Variants in C10orf71 observed in about 807,000 individuals in gnomAD.
C10orf71 encodes chromosome 10 open reading frame 71, also known as cardiac-enriched FHL2-interacting protein.
For missense variants in C10orf71, 1,869 were observed against 1,804.5 expected (o/e 1.04, Z -0.65); for synonymous variants, 758 against 726.3 (o/e 1.04, Z -0.70).
rs1849128599 is a variant in C10orf71, at chr10:49,323,105, G to C, written c.560G>C (p.Cys187Ser). The C allele has an allele frequency of 6.2e-7, 1 of 1,613,878 alleles. No homozygotes were observed. Among genetic ancestry groups the C allele is most frequent in the Non-Finnish European group, 8.5e-7 (1 of 1,179,896 alleles). Reference sequence around the variant, plus strand: ...CTTCCAGAAAACAGTGTCAACTTCTGCTTCGATTCTGCCTTTCTGACAGTC... The same window carrying C: ...CTTCCAGAAAACAGTGTCAACTTCTCCTTCGATTCTGCCTTTCTGACAGTC... ...APLPENSVNF[C>S]FDSAFLTVRR... Residue 187 changes from cysteine to serine, a missense_variant, in exon 3 of 3, where the codon TGC (cysteine) becomes TCC (serine). Cys to Ser is a moderately radical substitution (Grantham distance 112). Transcript: ENST00000374144.
intron 1 of C10orf71, among the ~76,000 whole-genome samples, chr10:49,314,242 A>G (rs11101085): frequency 0.11 from 16,609 of 152,162 alleles, 1,049 homozygotes; most frequent in Admixed American, 0.15. Flanking sequence ...GAAGCATTTA[A>G]GAGAACAGTC....
At position 49,323,875 on chromosome 10, in the gene C10orf71, A is replaced by C. The variant is rs1402150469; in HGVS notation, c.1330A>C (p.Ser444Arg). 1 of 1,613,504 alleles carries C rather than the reference A, an allele frequency of 6.2e-7. No individual in the cohort carries two copies. Among genetic ancestry groups the C allele is most frequent in the Admixed American group, 1.7e-5 (1 of 59,976 alleles). The change falls in exon 3 of 3, where the codon AGT becomes CGT. Residue 444 changes from serine (S) to arginine (R), a missense_variant. Transcript: ENST00000374144. ...ACATTATGATCCCCCCTTTAACATCAGTAAGCTCCTGACCCCCATCATACC... is the reference window on the plus strand; with the variant it reads ...ACATTATGATCCCCCCTTTAACATCCGTAAGCTCCTGACCCCCATCATACC... ...NEHYDPPFNI[S>R]KLLTPIIPSK...
chr10:49,302,646 C>G (rs1260096783), intron 1 of C10orf71, among the ~76,000 whole-genome samples: 2 of 152,206 alleles, frequency 1.3e-5, no homozygotes, highest in African/African-American at 4.8e-5. Context: ...AATGCAACTC[C>G]CATGTCTTGT....
In C10orf71 at chr10:49,325,751, C is replaced by T; in HGVS notation, c.3206C>T (p.Ser1069Phe). 6.4e-7 allele frequency: 1 copy of T among 1,551,442 alleles called. No homozygotes were observed. The change falls in exon 3 of 3, where the codon TCC (serine) becomes TTC (phenylalanine). Residue 1069 changes from serine to phenylalanine, a missense_variant. Ser to Phe is a radical substitution (Grantham distance 155). Transcript: ENST00000374144. ...PGSPGESSAC[S>F]PAASNIWEES... is the part of the protein sequence containing the mutation. Reference sequence around the variant, plus strand: ...TCCCCCGGGGAGAGCAGTGCCTGCTCCCCTGCTGCCAGCAACATTTGGGAG... The same window carrying T: ...TCCCCCGGGGAGAGCAGTGCCTGCTTCCCTGCTGCCAGCAACATTTGGGAG...
At chr10:49,321,749 A>G (rs1181242171) in intron 2 of C10orf71, among the ~76,000 whole-genome samples, 1 of 152,184 alleles carries the variant, frequency 6.6e-6, no homozygotes, top group Non-Finnish European at 1.5e-5. Context: ...CCATCCTAAC[A>G]GGCATGATGT....
intron 2 of C10orf71, among the ~76,000 whole-genome samples, chr10:49,318,751 C>T (rs1381849164): frequency 6.6e-6 from 1 of 152,240 alleles, no homozygotes; most frequent in African/African-American, 2.4e-5. Flanking sequence ...CCCCTAACCT[C>T]CTGGAACCTT....
At chr10:49,317,345 G>A (rs184483410) in intron 2 of C10orf71, among the ~76,000 whole-genome samples, 137 of 152,316 alleles carry the variant, frequency 9.0e-4, no homozygotes, top group African/African-American at 3.0e-3. Flanking sequence ...GCCATCCTCT[G>A]CAGATTGGCC....
upstream of C10orf71, chr10:49,298,941 T>C (rs1034542265): frequency 6.6e-6 from 1 of 152,200 alleles, no homozygotes; most frequent in African/African-American, 2.4e-5. Flanking sequence ...CCTAAACAAA[T>C]GTTTTCCTTC....
At position 49,322,715 on chromosome 10, in the gene C10orf71, C is replaced by T. The variant is rs540598007; in HGVS notation, c.170C>T (p.Pro57Leu). 91 of 1,613,946 alleles carry T rather than the reference C, an allele frequency of 5.6e-5. No homozygotes were observed. The highest frequency in any genetic ancestry group is 2.0e-4 in the Admixed American group (12 of 60,006). The change falls in exon 3 of 3, where the codon CCG becomes CTG. Residue 57 changes from proline (P) to leucine (L), a missense_variant. Coordinates refer to ENST00000374144, the MANE Select transcript of C10orf71 (RefSeq NM_001135196.2). ...CATGACTCCTATCTGGCTGTGTCCC[C>T]GGATATCACCCGACAGGTGTTTGGG... Reference protein sequence around the residue: ...SFHDSYLAVSPDITRQVFGTF... With the variant: ...SFHDSYLAVSLDITRQVFGTF...
intron 2 of C10orf71, among the ~76,000 whole-genome samples, chr10:49,321,088 T>C (rs1590336601): frequency 6.6e-6 from 1 of 151,868 alleles, no homozygotes; most frequent in East Asian, 1.9e-4. Flanking sequence ...TTTAACATAA[T>C]ATCTATCCTC....
chr10:49,324,759 C>T lies in C10orf71; in HGVS notation c.2214C>T (p.Ala738=). The T allele has an allele frequency of 1.3e-6, 2 of 1,557,154 alleles. No individual in the cohort carries two copies. Among genetic ancestry groups the T allele is most frequent in the East Asian group, 2.4e-5 (1 of 41,454 alleles). The change falls in exon 3 of 3, where the codon GCC becomes GCT. Residue 738 remains alanine (A), a synonymous_variant. Transcript: ENST00000374144. ...FSTSSSDQSF[A]SFDDQQKMWF... is the part of the protein sequence containing the mutation. ...CCAGCTCTTCAGATCAATCCTTTGC[C>T]TCATTTGATGATCAGCAGAAGATGT...
At chr10:49,318,314 C>T (rs538531344) in intron 2 of C10orf71, among the ~76,000 whole-genome samples, 22 of 152,336 alleles carry the variant, frequency 1.4e-4, no homozygotes, top group African/African-American at 5.3e-4. Flanking sequence ...CATGTGTCTT[C>T]TACTGGGGAA....
rs11101081 is a variant in C10orf71, at chr10:49,299,317, C to T, written c.-248+84C>T. 14,314 of 152,264 alleles carry T rather than the reference C, an allele frequency of 0.094. 859 individuals carry two copies. Among genetic ancestry groups the T allele is most frequent in the Middle Eastern group, 0.15 (44 of 294 alleles). 9.4% of individuals were successfully genotyped at this position (152,264 alleles called of 1,614,324 possible). ...GGGTAGGTTTGTGAGCTAGAGGAGG[C>T]TTGGGTCCTGAATCCACTCTCCTAT... is the stretch of plus-strand genomic sequence containing the variant. On this transcript the variant is annotated intron_variant, in intron 1 of 2. Transcript: ENST00000374144.
chr10:49,298,318 TA>T (rs1236067251), upstream of C10orf71, among the ~76,000 whole-genome samples: 6 of 151,930 alleles, frequency 3.9e-5, no homozygotes, highest in South Asian at 2.1e-4. Context: ...CAGGGAAGCA[TA>T]AAAAAGAACC....
rs1395002808 is a variant in C10orf71 at position 49,324,460 on chromosome 10, C to T, written c.1915C>T (p.His639Tyr). 2 of 1,607,242 alleles carry T rather than the reference C, an allele frequency of 1.2e-6. No individual in the cohort carries two copies. Among genetic ancestry groups the T allele is most frequent in the Admixed American group, 1.7e-5 (1 of 58,900 alleles). The change falls in exon 3 of 3, where the codon CAC becomes TAC. Residue 639 changes from histidine (H) to tyrosine (Y), a missense_variant. His to Tyr is a moderately conservative substitution (Grantham distance 83). Transcript: ENST00000374144. The part of the protein sequence containing the change: ...GSSWCPDSRE[H>Y]RPRKHLSLRL... Reference sequence around the variant, plus strand: ...CAGCTGGTGTCCAGACTCCAGGGAACACCGCCCCAGGAAACACCTCTCCCT... The same window carrying T: ...CAGCTGGTGTCCAGACTCCAGGGAATACCGCCCCAGGAAACACCTCTCCCT...
chr10:49,327,060 C>A lies in C10orf71; in HGVS notation c.*207C>A. 1 of 1,532,132 alleles carries A rather than the reference C, an allele frequency of 6.5e-7. No homozygotes were observed. Among genetic ancestry groups the A allele is most frequent in the East Asian group, 2.5e-5 (1 of 39,684 alleles). The allele number at this position is 1,532,132 out of a possible 1,614,324, so 94.9% of individuals were successfully genotyped here. On this transcript the variant is annotated 3_prime_UTR_variant, in exon 3 of 3. Transcript: ENST00000374144. Reference sequence around the variant, plus strand: ...ACCCAAAGGGCTCCCTGGCTCTCCTCTGATGGAGGGGCACTGCTTGCTTGG... The same window carrying A: ...ACCCAAAGGGCTCCCTGGCTCTCCTATGATGGAGGGGCACTGCTTGCTTGG...
chr10:49,302,208 G>C (rs1848740696), intron 1 of C10orf71, among the ~76,000 whole-genome samples: 1 of 152,214 alleles, frequency 6.6e-6, no homozygotes. Flanking sequence ...TTCCAGATCT[G>C]GCACCACTGA....
Position 49,325,169 on chromosome 10 carries a change from T to C in C10orf71, c.2624T>C (p.Leu875Pro). Residue 875 changes from leucine (L) to proline (P), a missense_variant, in exon 3 of 3, where the codon CTC becomes CCC. Physicochemically the swap from Leu to Pro is moderately conservative, Grantham distance 98 (BLOSUM62 -3). Coordinates refer to ENST00000374144, the MANE Select transcript of C10orf71 (RefSeq NM_001135196.2). ...TPVIKPIMLP[L>P]LRTMSLEDSL... ...GTAATTAAACCTATCATGCTGCCTC[T>C]CCTGAGGACCATGTCCTTGGAGGAC... 1 of 1,552,090 alleles carries C rather than the reference T, an allele frequency of 6.4e-7. No individual in the cohort carries two copies. Among genetic ancestry groups the C allele is most frequent in the Non-Finnish European group, 8.7e-7 (1 of 1,147,072 alleles).
At chr10:49,319,465 T>TAAATTTAAAAA (rs1849054078) in intron 2 of C10orf71, among the ~76,000 whole-genome samples, 2 of 152,200 alleles carry the variant, frequency 1.3e-5, no homozygotes, top group African/African-American at 4.8e-5. Context: ...TAGAAGTTCC[T>TAAATTTAAAAA]TAAAAATTTA....
Sources: allele counts gnomAD v4.1 joint callset (sites outside exome capture counted in the v4.1 genomes callset), GRCh38; gene constraint gnomAD v4.1.1; transcripts MANE v1.5; gene names NCBI Gene and HGNC (gene_info 2026-07-23, HGNC 2026-07-21).